NCOR1: variants seen among roughly 807,000 people sequenced by gnomAD.
NCOR1 encodes the protein nuclear receptor corepressor 1.
Under a neutral mutation model 288.1 loss-of-function variants are expected in NCOR1, and 63 were observed. The ratio of observed to expected loss-of-function variants is 0.22; its 90% CI spans 0.18 to 0.27. The LOEUF is 0.27. Ranked by LOEUF, NCOR1 falls within the 10% of genes least tolerant of loss-of-function variation. The pLI is 1.00. For synonymous variants in NCOR1, 1,007 were observed against 1,065.9 expected (o/e 0.94, Z 1.08); for missense variants, 2,397 against 3,019.2 (o/e 0.79, Z 4.83).
chr17:16,108,954 A>G, intron 18 of NCOR1, 42 bp from the exon 19 acceptor site: 1 of 1,482,974 alleles, frequency 6.7e-7, no homozygotes, highest in South Asian at 1.3e-5. Context: ...ATAACTAAAA[A>G]GAAAAAAAAA....
chr17:16,050,452 ACC>A (rs2059177137), intron 40 of NCOR1, among the ~76,000 whole-genome samples: 1 of 151,754 alleles, frequency 6.6e-6, no homozygotes, highest in South Asian at 2.1e-4. Flanking sequence ...CAAACTCCTG[ACC>A]TCAAGTGATC....
At chr17:16,083,414 C>T (rs113429817) in intron 23 of NCOR1, among the ~76,000 whole-genome samples, 8 of 150,434 alleles carry the variant, frequency 5.3e-5, no homozygotes, top group African/African-American at 1.9e-4. Context: ...ATAAATCAAA[C>T]AAAACACATA....
chr17:16,151,527 G>C, intron 8 of NCOR1: 1 of 1,178,646 alleles, frequency 8.5e-7, no homozygotes. Flanking sequence ...TGCAATGGCA[G>C]ATGTGGCTTG....
chr17:16,144,724 TCTCTCCTCTCC>T (rs2077612283), intron 10 of NCOR1, among the ~76,000 whole-genome samples: 1 of 151,502 alleles, frequency 6.6e-6, no homozygotes, highest in Non-Finnish European at 1.5e-5. Context: ...CCTCTCCCTC[TCTCTCCTCTCC>T]CTCTCCGCTT....
chr17:16,081,331 A>G (rs1401337443), intron 23 of NCOR1, among the ~76,000 whole-genome samples: 2 of 150,864 alleles, frequency 1.3e-5, no homozygotes, highest in African/African-American at 4.9e-5. Context: ...TCGACTTTTA[A>G]AGAACCCTGG....
intron 14 of NCOR1, among the ~76,000 whole-genome samples, chr17:16,133,934 G>A (rs891899691): frequency 6.6e-6 from 1 of 152,164 alleles, no homozygotes; most frequent in Middle Eastern, 3.4e-3. Context: ...CGTTCTCCCC[G>A]CCTCCTCACT....
At chr17:16,111,198 C>T (rs1367698164) in intron 18 of NCOR1, among the ~76,000 whole-genome samples, 2 of 152,162 alleles carry the variant, frequency 1.3e-5, no homozygotes, top group Admixed American at 1.3e-4. Flanking sequence ...CTACAACATC[C>T]CTCTGTTCAC....
chr17:16,071,358 AAAT>A, intron 30 of NCOR1, 48 bp downstream of exon 30: 1 of 1,569,192 alleles, frequency 6.4e-7, no homozygotes, highest in Non-Finnish European at 8.6e-7. Context: ...ACACTTTTTT[AAAT>A]GTTCCATAAA....
rs1568198087 is a variant in NCOR1 at position 16,127,353 on chromosome 17, GTATGTATATATACATGTATGTATATA to G, written c.1510-1173_1510-1148del. 2.9e-5 allele frequency among the ~76,000 whole-genome samples: 4 copies of G among 140,076 alleles called. 1 individual carries two copies. Among genetic ancestry groups the G allele is most frequent in the African/African-American group, 8.2e-5 (3 of 36,596 alleles). 91.9% of individuals were successfully genotyped at this position (140,076 alleles called of 152,430 possible). A position where few individuals can be genotyped will look rare whatever the true frequency, so the allele number is the denominator to read the frequency against. On this transcript the variant is annotated intron_variant, in intron 14 of 45. Transcript: ENST00000268712. ...TGTATATATACATGTATGTATATAT[GTATGTATATATACATGTATGTATATA>G]TGTATGTATATATACATGTGTATAT... is the stretch of plus-strand genomic sequence containing the variant.
chr17:16,053,262 T>C (rs2059524124), intron 40 of NCOR1, among the ~76,000 whole-genome samples: 1 of 152,192 alleles, frequency 6.6e-6, no homozygotes, highest in African/African-American at 2.4e-5. Context: ...ACTATCTCTG[T>C]TTGCAGACAT....
chr17:16,197,678 G>A (rs1321580146), intron 1 of NCOR1, among the ~76,000 whole-genome samples: 1 of 152,188 alleles, frequency 6.6e-6, no homozygotes, highest in Non-Finnish European at 1.5e-5. Context: ...TTCTCAGCAA[G>A]CAGTGAACTA....
At chr17:16,080,875 A>G (rs879044881) in intron 23 of NCOR1, 148 bp from the exon 24 acceptor site, 3 of 813,802 alleles carry the variant, frequency 3.7e-6, no homozygotes, top group Admixed American at 6.2e-5. Context: ...GTTTTTGTAA[A>G]GCAAGAAAAT....
intron 25 of NCOR1, 72 bp downstream of exon 25, chr17:16,080,336 A>G: frequency 2.5e-6 from 3 of 1,222,202 alleles, no homozygotes; most frequent in Non-Finnish European, 3.4e-6. Flanking sequence ...TCATTAAAAT[A>G]TATTAATAAC....
intron 45 of NCOR1, 86 bp downstream of exon 45, chr17:16,034,679 A>G: frequency 8.3e-7 from 1 of 1,199,424 alleles, no homozygotes; most frequent in Non-Finnish European, 1.2e-6. Context: ...CCAAATTAGA[A>G]GAGTTGCTGA....
chr17:16,115,346 T>G (rs990425588), intron 18 of NCOR1, among the ~76,000 whole-genome samples: 3 of 152,196 alleles, frequency 2.0e-5, no homozygotes, highest in South Asian at 4.1e-4. Flanking sequence ...ATTTTCCCCA[T>G]TGTCTTGGAA....
At chr17:16,142,985 T>C (rs1215410101) in intron 11 of NCOR1, among the ~76,000 whole-genome samples, 1 of 152,194 alleles carries the variant, frequency 6.6e-6, no homozygotes, top group African/African-American at 2.4e-5. Context: ...ATCTCCTCCA[T>C]ATATAAACTT....
chr17:16,058,433 A>G (rs1437813369), intron 38 of NCOR1, 38 bp downstream of exon 38: 1 of 1,603,034 alleles, frequency 6.2e-7, no homozygotes, highest in South Asian at 1.1e-5. Context: ...ATAAATGCAA[A>G]TATGAAAACA....
intron 14 of NCOR1, among the ~76,000 whole-genome samples, chr17:16,130,541 A>G (rs1182914707): frequency 6.6e-6 from 1 of 152,256 alleles, no homozygotes; most frequent in Non-Finnish European, 1.5e-5. Flanking sequence ...AACAAGTTTA[A>G]TTCTGTCAGG....
chr17:16,039,793 G>A (rs1461043077), intron 43 of NCOR1, 139 bp from the exon 44 acceptor site: 2 of 745,282 alleles, frequency 2.7e-6, no homozygotes, highest in Non-Finnish European at 4.3e-6. Flanking sequence ...ACCACACAGA[G>A]ACCTTTTTTT....
Sources: gnomAD v4.1 joint callset for allele counts (sites outside exome capture counted in the v4.1 genomes callset) on GRCh38, gnomAD v4.1.1 for gene constraint, MANE v1.5 for transcripts, NCBI Gene and HGNC (gene_info 2026-07-23, HGNC 2026-07-21) for gene names.